Variants in FBXL7 observed in about 807,000 individuals in gnomAD.
FBXL7 encodes the protein F-box/LRR-repeat protein 7.
FBXL7 carries 12 observed loss-of-function variants against 38.3 expected under a neutral mutation model. That is an observed-to-expected ratio of 0.31 (90% CI 0.20 to 0.51). FBXL7 has a LOEUF of 0.51. Ranked by LOEUF, FBXL7 falls within the 20% of genes least tolerant of loss-of-function variation. The pLI is 0.98. For synonymous variants in FBXL7, 297 were observed against 300.9 expected (o/e 0.99, Z 0.13); for missense variants, 567 against 676.4 (o/e 0.84, Z 1.79).
chr5:15,792,275 G>A (rs1283443597), intron 2 of FBXL7, among the ~76,000 whole-genome samples: 3 of 152,154 alleles, frequency 2.0e-5, no homozygotes, highest in African/African-American at 7.2e-5. Context: ...AAGCAGAAAC[G>A]AGGGTATTTT....
At chr5:15,784,500 G>C (rs1287272472) in intron 2 of FBXL7, among the ~76,000 whole-genome samples, 1 of 151,912 alleles carries the variant, frequency 6.6e-6, no homozygotes, top group East Asian at 1.9e-4. Context: ...TTGGATATTT[G>C]TCCTGCCCAA....
At chr5:15,818,747 A>T (rs73752324) in intron 2 of FBXL7, among the ~76,000 whole-genome samples, 1,468 of 25,788 alleles carry the variant, frequency 0.057, 22 homozygotes, top group African/African-American at 0.13. Flanking sequence ...TGTGTGTGAG[A>T]GAGAGAGAGA....
chr5:15,644,532 G>A (rs1382856984), intron 2 of FBXL7, among the ~76,000 whole-genome samples: 1 of 147,666 alleles, frequency 6.8e-6, no homozygotes, highest in Non-Finnish European at 1.5e-5. Context: ...GTGGGTGGTG[G>A]GGGGACAGAG....
chr5:15,577,594 TTGTGTGTGTGTGTGTGTG>T (rs34405217), intron 1 of FBXL7, among the ~76,000 whole-genome samples: 11 of 147,568 alleles, frequency 7.5e-5, no homozygotes, highest in South Asian at 2.2e-4. Flanking sequence ...GTAATGCATT[TTGTGTGTGTGTGTGTGTG>T]TGTGTGTGTG....
intron 1 of FBXL7, among the ~76,000 whole-genome samples, chr5:15,552,053 C>T (rs1738089316): frequency 6.6e-6 from 1 of 152,210 alleles, no homozygotes; most frequent in South Asian, 2.1e-4. Context: ...TTTTCAGGCA[C>T]TCTGACATAC....
chr5:15,650,220 A>G (rs1389872879), intron 2 of FBXL7, among the ~76,000 whole-genome samples: 4 of 152,236 alleles, frequency 2.6e-5, no homozygotes, highest in Non-Finnish European at 4.4e-5. Context: ...GACCACCACA[A>G]TAAAGCAAGC....
intron 2 of FBXL7, among the ~76,000 whole-genome samples, chr5:15,620,399 A>ATTT (rs1278504178): frequency 4.5e-4 from 60 of 133,402 alleles, no homozygotes; most frequent in African/African-American, 1.7e-3. Flanking sequence ...CGCCCAGCTA[A>ATTT]TTTTTTGTTT....
chr5:15,649,864 C>T (rs1380752006), intron 2 of FBXL7, among the ~76,000 whole-genome samples: 1 of 152,126 alleles, frequency 6.6e-6, no homozygotes, highest in African/African-American at 2.4e-5. Context: ...TACTTTGACA[C>T]CAAATGGCTG....
At chr5:15,834,295 G>A (rs1738532501) in intron 2 of FBXL7, among the ~76,000 whole-genome samples, 1 of 152,124 alleles carries the variant, frequency 6.6e-6, no homozygotes. Context: ...ATTATGTGAT[G>A]TTACATGTTA....
At chr5:15,861,191 C>T (rs1366527358) in intron 2 of FBXL7, among the ~76,000 whole-genome samples, 1 of 152,232 alleles carries the variant, frequency 6.6e-6, no homozygotes. Flanking sequence ...ATTGTCATCA[C>T]ACTTTCTTAT....
chr5:15,766,939 C>T (rs1736606829), intron 2 of FBXL7, among the ~76,000 whole-genome samples: 1 of 152,234 alleles, frequency 6.6e-6, no homozygotes, highest in African/African-American at 2.4e-5. Context: ...TTCCTTGTCA[C>T]ACCACTAGTA....
At position 15,500,729 on chromosome 5, in the gene FBXL7, G is replaced by T. The variant is rs1043496369; in HGVS notation, c.37+16G>T. On this transcript the variant is annotated intron_variant, in intron 1 of 3. Coordinates refer to ENST00000504595, the MANE Select transcript of FBXL7 (RefSeq NM_012304.5). ...GGCAGTGAGGGTGAGTGGGCCGCCC[G>T]TCCTCAGACTCCCGGATCGCGTCCC... 2 of 1,603,592 alleles carry T rather than the reference G, an allele frequency of 1.2e-6. No individual in the cohort carries two copies. Among genetic ancestry groups the T allele is most frequent in the Non-Finnish European group, 1.7e-6 (2 of 1,174,690 alleles).
intron 2 of FBXL7, among the ~76,000 whole-genome samples, chr5:15,639,592 G>C (rs766031458): frequency 2.6e-5 from 4 of 151,908 alleles, no homozygotes; most frequent in African/African-American, 7.2e-5. Flanking sequence ...TCCCAGTCTC[G>C]GGTGTGTCTT....
chr5:15,520,269 G>C lies in FBXL7; in HGVS notation c.37+19556G>C, dbSNP rs191716835. ...CCTGTCTAATCCTGTGACTTAGAATGCCTTAACCATCTGGGAATGCAGCCC... is the reference window on the plus strand; with the variant it reads ...CCTGTCTAATCCTGTGACTTAGAATCCCTTAACCATCTGGGAATGCAGCCC... On this transcript the variant is annotated intron_variant, in intron 1 of 3. Coordinates refer to ENST00000504595, the MANE Select transcript of FBXL7 (RefSeq NM_012304.5). 1.3e-3 allele frequency among the ~76,000 whole-genome samples: 191 copies of C among 152,290 alleles called. 1 individual carries two copies. The highest frequency in any genetic ancestry group is 4.5e-3 in the African/African-American group (187 of 41,566).
At chr5:15,673,516 G>T (rs374878717) in intron 2 of FBXL7, among the ~76,000 whole-genome samples, 1 of 152,098 alleles carries the variant, frequency 6.6e-6, no homozygotes, top group South Asian at 2.1e-4. Flanking sequence ...GGAACACAGA[G>T]ACACATTTTT....
In FBXL7 at chr5:15,589,818, T is replaced by A. The variant is rs1739415368; in HGVS notation, c.38-26165T>A. On this transcript the variant is annotated intron_variant, in intron 1 of 3. Coordinates refer to ENST00000504595, the MANE Select transcript of FBXL7 (RefSeq NM_012304.5). Reference sequence around the variant, plus strand: ...CATGGCATAGCCAGCGTGTCCTCAATGTCATCATCAGAGGTGATGATGCAC... The same window carrying A: ...CATGGCATAGCCAGCGTGTCCTCAAAGTCATCATCAGAGGTGATGATGCAC... Among the ~76,000 whole-genome samples, 4 of 152,174 alleles carry A rather than the reference T, an allele frequency of 2.6e-5. 1 individual carries two copies. The highest frequency in any genetic ancestry group is 2.6e-4 in the Admixed American group (4 of 15,280).
At chr5:15,816,956 C>G (rs1275718372) in intron 2 of FBXL7, among the ~76,000 whole-genome samples, 1 of 152,190 alleles carries the variant, frequency 6.6e-6, no homozygotes, top group Non-Finnish European at 1.5e-5. Context: ...AAACACACCT[C>G]TCCGAATTTC....
intron 2 of FBXL7, among the ~76,000 whole-genome samples, chr5:15,895,252 A>G (rs1039514386): frequency 6.6e-6 from 1 of 152,052 alleles, no homozygotes; most frequent in Non-Finnish European, 1.5e-5. Flanking sequence ...ATTATAGATA[A>G]TCATTTTTCC....
At chr5:15,715,128 C>T (rs887336005) in intron 2 of FBXL7, among the ~76,000 whole-genome samples, 5 of 152,038 alleles carry the variant, frequency 3.3e-5, no homozygotes, top group African/African-American at 1.2e-4. Flanking sequence ...TAATTTGTGG[C>T]AATGTATTAC....
Sources: gnomAD v4.1 joint callset for allele counts (sites outside exome capture counted in the v4.1 genomes callset) on GRCh38, gnomAD v4.1.1 for gene constraint, MANE v1.5 for transcripts, NCBI Gene and HGNC (gene_info 2026-07-23, HGNC 2026-07-21) for gene names.